The following TMEM108 variants were observed in gnomAD, a reference collection of about 807,000 sequenced individuals.
TMEM108 encodes cancer/testis antigen 124.
In TMEM108, 12 loss-of-function variants were observed where a neutral mutation model predicts 35.1. The observed-to-expected ratio is 0.34, with a 90% CI of 0.22 to 0.55. The LOEUF is 0.55. TMEM108 is among the 20% of genes least tolerant of loss of function. The probability of loss-of-function intolerance (pLI) is 0.89; values close to 1 mark genes in which losing one functional copy is unlikely to be tolerated. For synonymous variants in TMEM108, 287 were observed against 308.6 expected (o/e 0.93, Z 0.73); for missense variants, 680 against 753.3 (o/e 0.90, Z 1.14).
At chr3:133,283,381 C>T (rs915404893) in intron 3 of TMEM108, among the ~76,000 whole-genome samples, 1 of 152,128 alleles carries the variant, frequency 6.6e-6, no homozygotes, top group Non-Finnish European at 1.5e-5. Context: ...GGACAAGAAC[C>T]ATCTGAAAAC....
chr3:133,060,438 T>C (rs1014141853), intron 2 of TMEM108, among the ~76,000 whole-genome samples: 3 of 152,206 alleles, frequency 2.0e-5, no homozygotes, highest in Admixed American at 6.5e-5. Flanking sequence ...GAAAACTTCA[T>C]TGTTCAAGTA....
chr3:133,050,084 A>T (rs1293847987), intron 2 of TMEM108, among the ~76,000 whole-genome samples: 1 of 152,190 alleles, frequency 6.6e-6, no homozygotes, highest in Non-Finnish European at 1.5e-5. Flanking sequence ...AAATGAAAAG[A>T]TGTGGAAATA....
intron 2 of TMEM108, among the ~76,000 whole-genome samples, chr3:133,143,791 G>A (rs766095045): frequency 6.6e-6 from 1 of 152,030 alleles, no homozygotes; most frequent in Non-Finnish European, 1.5e-5. Context: ...CCTTGACCAC[G>A]CTGGTGTCTC....
At chr3:133,387,658 G>C (rs181001136) in intron 4 of TMEM108, 2 of 717,530 alleles carry the variant, frequency 2.8e-6, no homozygotes, top group Admixed American at 6.3e-5. Flanking sequence ...AAGAATGTAG[G>C]CTGGGGGAAG....
chr3:133,378,322 C>A, intron 3 of TMEM108: 2 of 985,056 alleles, frequency 2.0e-6, no homozygotes, highest in Non-Finnish European at 2.4e-6. Context: ...GATCTCCTCC[C>A]CATCTCTGCT....
intron 3 of TMEM108, among the ~76,000 whole-genome samples, chr3:133,233,589 G>A (rs1196540609): frequency 1.3e-5 from 2 of 151,876 alleles, no homozygotes; most frequent in Admixed American, 1.3e-4. Context: ...GGTATTTCTA[G>A]TTCTAGATCC....
At chr3:133,303,701 T>G (rs1947263219) in intron 3 of TMEM108, among the ~76,000 whole-genome samples, 1 of 152,184 alleles carries the variant, frequency 6.6e-6, no homozygotes, top group African/African-American at 2.4e-5. Context: ...CCTAGATTGA[T>G]TGATCAAATC....
At chr3:133,360,068 G>C (rs1337841493) in intron 3 of TMEM108, among the ~76,000 whole-genome samples, 1 of 146,106 alleles carries the variant, frequency 6.8e-6, no homozygotes, top group African/African-American at 2.5e-5. Flanking sequence ...AAATTTCGCA[G>C]ATGTTAGGCT....
chr3:133,217,150 G>A (rs1239542298), intron 2 of TMEM108, among the ~76,000 whole-genome samples: 1 of 152,010 alleles, frequency 6.6e-6, no homozygotes, highest in Non-Finnish European at 1.5e-5. Flanking sequence ...TCTCATTGTG[G>A]TTTTGATTTG....
Position 133,101,181 on chromosome 3 carries a change from C to T in TMEM108, c.-47+55161C>T, listed in dbSNP as rs201483519. Among the ~76,000 whole-genome samples, 6 of 152,214 alleles carry T rather than the reference C, an allele frequency of 3.9e-5. No individual in the cohort carries two copies. In the East Asian group the frequency reaches 9.7e-4, roughly 24 times the overall value. ...TCTAGTTATTTTATTATGGACAGTG[C>T]CTAAAACTGGATTTTTTTGGGTGAA... On this transcript the variant is annotated intron_variant, in intron 2 of 5. Coordinates refer to ENST00000321871, the MANE Select transcript of TMEM108 (RefSeq NM_023943.4).
chr3:133,214,785 C>T (rs967824881), intron 2 of TMEM108, among the ~76,000 whole-genome samples: 1 of 152,146 alleles, frequency 6.6e-6, no homozygotes, highest in Non-Finnish European at 1.5e-5. Context: ...TGAGTTCCAC[C>T]TCCTGTCAGA....
intron 3 of TMEM108, among the ~76,000 whole-genome samples, chr3:133,289,598 A>G (rs947729640): frequency 6.6e-6 from 1 of 152,344 alleles, no homozygotes; most frequent in Admixed American, 6.5e-5. Context: ...TCAATGTGGA[A>G]CAGGAACTGT....
At chr3:133,145,564 C>T (rs897248375) in intron 2 of TMEM108, among the ~76,000 whole-genome samples, 1 of 152,122 alleles carries the variant, frequency 6.6e-6, no homozygotes, top group African/African-American at 2.4e-5. Context: ...GCAGCGTGGC[C>T]ATTTTCACGA....
At chr3:133,216,073 T>C (rs1026290991) in intron 2 of TMEM108, among the ~76,000 whole-genome samples, 1 of 152,076 alleles carries the variant, frequency 6.6e-6, no homozygotes, top group African/African-American at 2.4e-5. Context: ...TGTTTTTTTT[T>C]CCCCAGAGAT....
chr3:133,248,713 A>T (rs7433896), intron 3 of TMEM108: 2 of 152,184 alleles, frequency 1.3e-5, no homozygotes, highest in African/African-American at 4.8e-5. Flanking sequence ...GCAGTGGGTT[A>T]TTCCTTTTAT....
chr3:133,220,877 T>A (rs1055292487), intron 2 of TMEM108, among the ~76,000 whole-genome samples: 3 of 152,230 alleles, frequency 2.0e-5, no homozygotes, highest in Admixed American at 6.5e-5. Context: ...CTCCTTGGGT[T>A]TGATTAACTT....
intron 2 of TMEM108, chr3:133,119,641 T>C (rs1490112188): frequency 3.9e-5 from 6 of 152,198 alleles, no homozygotes; most frequent in Non-Finnish European, 4.4e-5. Context: ...CTTACTTGCA[T>C]CTATTTGCAT....
chr3:133,185,005 A>G (rs1295967826), intron 2 of TMEM108, among the ~76,000 whole-genome samples: 1 of 152,194 alleles, frequency 6.6e-6, no homozygotes, highest in Non-Finnish European at 1.5e-5. Flanking sequence ...ACCATAAATT[A>G]TATAGCTAAT....
chr3:133,112,343 G>C lies in TMEM108; in HGVS notation c.-47+66323G>C, dbSNP rs1944236092. 2.0e-5 allele frequency among the ~76,000 whole-genome samples: 3 copies of C among 152,038 alleles called. No homozygotes were observed. The South Asian group carries it at 6.2e-4, about 32-fold the overall frequency. On this transcript the variant is annotated intron_variant, in intron 2 of 5. Coordinates refer to ENST00000321871, the MANE Select transcript of TMEM108 (RefSeq NM_023943.4). ...CCCCTATCTTCTTCCTAGTTAGATG[G>C]CTTTTTTACTTTTCCCTTCACTCAT...
Sources: allele counts gnomAD v4.1 joint callset (sites outside exome capture counted in the v4.1 genomes callset), GRCh38; gene constraint gnomAD v4.1.1; transcripts MANE v1.5; gene names NCBI Gene and HGNC (gene_info 2026-07-23, HGNC 2026-07-21).